Variants in HECW1 observed in about 807,000 individuals in gnomAD.
HECW1 encodes HECT, C2 and WW domain containing E3 ubiquitin protein ligase 1, also known as E3 ubiquitin-protein ligase HECW1.
In HECW1, 61 loss-of-function variants were observed where a neutral mutation model predicts 182.3. The ratio of observed to expected loss-of-function variants is 0.33; its 90% CI spans 0.27 to 0.41. HECW1 has a LOEUF of 0.41. HECW1 is among the 10% of genes least tolerant of loss of function. The pLI, the probability that HECW1 is intolerant of heterozygous loss-of-function variation, is 1.00. For synonymous variants in HECW1, 859 were observed against 832.6 expected, an observed-to-expected ratio of 1.03 and a Z score of -0.55; for missense variants, 1,739 against 2,108.9, an observed-to-expected ratio of 0.82 and a Z score of 3.44.
At chr7:43,439,222 C>G (rs988741512) in intron 9 of HECW1, 2 of 152,164 alleles carry the variant, frequency 1.3e-5, no homozygotes, top group African/African-American at 4.8e-5. Context: ...TCCTTGTGAT[C>G]TTTTTTATTT....
At chr7:43,485,858 A>G (rs149139100) in intron 17 of HECW1, among the ~76,000 whole-genome samples, 44 of 152,182 alleles carry the variant, frequency 2.9e-4, no homozygotes, top group African/African-American at 1.0e-3. Context: ...AGGCTACACT[A>G]AATTTTTTTT....
chr7:43,394,216 A>G (rs1377892721), intron 6 of HECW1, among the ~76,000 whole-genome samples: 2 of 152,148 alleles, frequency 1.3e-5, no homozygotes, highest in Non-Finnish European at 2.9e-5. Flanking sequence ...TGCCATGAGG[A>G]CTGGCCACCT....
chr7:43,462,507 A>G (rs1465907666), intron 13 of HECW1, among the ~76,000 whole-genome samples: 1 of 151,372 alleles, frequency 6.6e-6, no homozygotes, highest in Non-Finnish European at 1.5e-5. Context: ...AAAAAAAGAG[A>G]AAAGAAAAAA....
At position 43,213,576 on chromosome 7, in the gene HECW1, G is replaced by C. The variant is rs1796188040; in HGVS notation, c.-31-30299G>C. Among the ~76,000 whole-genome samples, 3 of 151,156 alleles carry C rather than the reference G, an allele frequency of 2.0e-5. No homozygotes were observed. In the South Asian group the frequency reaches 6.3e-4, roughly 32 times the overall value. ...TTCTCCTGCCTCAGCCTCCTGAGTA[G>C]CTGGGACTACAGGCGCCCGCCACCA... On this transcript the variant is annotated intron_variant, in intron 2 of 29. Coordinates refer to ENST00000395891, the MANE Select transcript of HECW1 (RefSeq NM_015052.5).
At chr7:43,536,599 C>G (rs933809451) in intron 24 of HECW1, among the ~76,000 whole-genome samples, 2 of 152,220 alleles carry the variant, frequency 1.3e-5, no homozygotes, top group African/African-American at 4.8e-5. Context: ...ACATGGGAAA[C>G]AGCAGAAAGC....
chr7:43,254,652 G>C (rs1800376908), intron 3 of HECW1, among the ~76,000 whole-genome samples: 1 of 152,170 alleles, frequency 6.6e-6, no homozygotes, highest in African/African-American at 2.4e-5. Context: ...AGAGAGTTCA[G>C]CCTTCCAGCT....
chr7:43,255,321 G>T (rs56016010), intron 3 of HECW1, among the ~76,000 whole-genome samples: 1 of 152,004 alleles, frequency 6.6e-6, no homozygotes, highest in Non-Finnish European at 1.5e-5. Flanking sequence ...TATTCAGGCC[G>T]GGCCTGGTGG....
At chr7:43,176,771 C>T (rs749769019) in intron 2 of HECW1, among the ~76,000 whole-genome samples, 6 of 152,224 alleles carry the variant, frequency 3.9e-5, no homozygotes, top group Non-Finnish European at 8.8e-5. Context: ...GTTTCCAACA[C>T]ATTGACTTTT....
intron 8 of HECW1, among the ~76,000 whole-genome samples, chr7:43,424,696 T>C (rs541325752): frequency 1.3e-5 from 2 of 152,252 alleles, no homozygotes; most frequent in East Asian, 3.9e-4. Context: ...TATCAGGAAA[T>C]ATCAATAGAG....
intron 2 of HECW1, among the ~76,000 whole-genome samples, chr7:43,226,638 G>A (rs56097842): frequency 0.031 from 4,753 of 152,278 alleles, 238 homozygotes; most frequent in African/African-American, 0.096. Context: ...GACGAAGCGG[G>A]TGCCAGGGTG....
chr7:43,344,500 T>A (rs755525012), intron 5 of HECW1, among the ~76,000 whole-genome samples: 1 of 152,050 alleles, frequency 6.6e-6, no homozygotes, highest in Non-Finnish European at 1.5e-5. Flanking sequence ...CATTGGATGA[T>A]GATGTTGTTT....
intron 2 of HECW1, among the ~76,000 whole-genome samples, chr7:43,178,662 C>T (rs2152673711): frequency 6.6e-6 from 1 of 152,288 alleles, no homozygotes; most frequent in Non-Finnish European, 1.5e-5. Flanking sequence ...TCTCACATCC[C>T]TAATTTAAAG....
chr7:43,448,817 C>T (rs780229644), intron 11 of HECW1, among the ~76,000 whole-genome samples: 2 of 152,194 alleles, frequency 1.3e-5, no homozygotes, highest in Non-Finnish European at 2.9e-5. Flanking sequence ...TTTAAAACGA[C>T]GTTGCTTGCT....
At chr7:43,135,873 A>G (rs998866571) in intron 2 of HECW1, among the ~76,000 whole-genome samples, 4 of 152,124 alleles carry the variant, frequency 2.6e-5, no homozygotes, top group Non-Finnish European at 5.9e-5. Flanking sequence ...AGTTTTTTCT[A>G]AAATCAAGAT....
chr7:43,299,213 A>G (rs1045771558), intron 3 of HECW1, among the ~76,000 whole-genome samples: 4 of 152,344 alleles, frequency 2.6e-5, no homozygotes, highest in East Asian at 3.9e-4. Context: ...GTACCAATTC[A>G]ACTGTTTATC....
At chr7:43,130,154 T>C (rs992914610) in intron 2 of HECW1, among the ~76,000 whole-genome samples, 9 of 152,214 alleles carry the variant, frequency 5.9e-5, no homozygotes, top group African/African-American at 2.2e-4. Context: ...TATGTTCATT[T>C]AGCAATATAT....
intron 5 of HECW1, among the ~76,000 whole-genome samples, chr7:43,321,383 C>G (rs1224313929): frequency 2.6e-5 from 4 of 152,100 alleles, no homozygotes; most frequent in African/African-American, 9.7e-5. Flanking sequence ...TTATGGCAGG[C>G]TTTTTTCATG....
At chr7:43,423,806 A>C (rs936852418) in intron 8 of HECW1, among the ~76,000 whole-genome samples, 15 of 152,320 alleles carry the variant, frequency 9.8e-5, no homozygotes, top group Admixed American at 7.2e-4. Flanking sequence ...CTGGAGCTGG[A>C]ACTGGTGCCT....
At chr7:43,225,320 T>C (rs2152705446) in intron 2 of HECW1, among the ~76,000 whole-genome samples, 1 of 152,122 alleles carries the variant, frequency 6.6e-6, no homozygotes, top group South Asian at 2.1e-4. Context: ...GAGAATCAAC[T>C]CTTCCCTTCC....
Sources: gnomAD v4.1 joint callset for allele counts (sites outside exome capture counted in the v4.1 genomes callset) on GRCh38, gnomAD v4.1.1 for gene constraint, MANE v1.5 for transcripts, NCBI Gene and HGNC (gene_info 2026-07-23, HGNC 2026-07-21) for gene names.